FZR1: variants seen among roughly 807,000 people sequenced by gnomAD.
FZR1 encodes fizzy and cell division cycle 20 related 1.
Under a neutral mutation model 63.6 loss-of-function variants are expected in FZR1, and 11 were observed. That is an observed-to-expected ratio of 0.17 (90% CI 0.11 to 0.29). The LOEUF is 0.29. Among genes scored for constraint, FZR1 ranks in the 10% least tolerant of loss-of-function variants. The probability of loss-of-function intolerance (pLI) is 1.00; values close to 1 mark genes in which losing one functional copy is unlikely to be tolerated. For missense variants in FZR1, 440 were observed against 687.5 expected, an observed-to-expected ratio of 0.64 and a Z score of 4.03; for synonymous variants, 328 against 297.9, an observed-to-expected ratio of 1.10 and a Z score of -1.04.
chr19:3,532,820 T>TGGGCCTCATCA (rs1221094613), intron 11 of FZR1, among the ~76,000 whole-genome samples, 170 bp downstream of exon 11: 1 of 152,120 alleles, frequency 6.6e-6, no homozygotes. Context: ...GCAAGGCCCC[T>TGGGCCTCATCA]GGGCCTCATC....
Position 3,534,816 on chromosome 19 carries a change from C to T in FZR1, c.1462C>T (p.Leu488Phe). 1.9e-6 allele frequency: 3 copies of T among 1,612,992 alleles called. No individual in the cohort carries two copies. Among genetic ancestry groups the T allele is most frequent in the Non-Finnish European group, 2.5e-6 (3 of 1,179,770 alleles). ...GCAGGAGTCTGTGTCTGTGCTCAAC[C>T]TCTTCACCAGGATCCGGTAAACCTG... ...STKESVSVLNLFTRIR is the reference protein window; with the variant it reads ...STKESVSVLNFFTRIR Residue 488 changes from leucine (L) to phenylalanine (F), a missense_variant, in exon 14 of 14, where the codon CTC becomes TTC. By Grantham distance (22) the Leu-to-Phe change is conservative. Around this residue, in one of 5 missense-constraint regions of FZR1, gnomAD observed 28 missense variants for 26.3 expected, o/e 1.06. Coordinates refer to ENST00000441788, the MANE Select transcript of FZR1 (RefSeq NM_016263.4).
chr19:3,533,301 C>T lies in FZR1; in HGVS notation c.1250C>T (p.Thr417Met). ...GCCCCCTCCGCCCTCCAGGTGAGCACGCACGGCTACTCACAGAACCAGATC... is the reference window on the plus strand; with the variant it reads ...GCCCCCTCCGCCCTCCAGGTGAGCATGCACGGCTACTCACAGAACCAGATC... ...WSKHANELVSTHGYSQNQILV... is the reference protein window; with the variant it reads ...WSKHANELVSMHGYSQNQILV... Residue 417 changes from threonine to methionine, a missense_variant, in exon 12 of 14, where the codon ACG becomes ATG. Transcript: ENST00000441788. The surrounding 1 kb of genome is among the most constrained non-coding windows in gnomAD (Gnocchi z 4.9). The T allele has an allele frequency of 6.2e-7, 1 of 1,606,450 alleles. No individual in the cohort carries two copies. Among genetic ancestry groups the T allele is most frequent in the Non-Finnish European group, 8.5e-7 (1 of 1,174,004 alleles).
intron 1 of FZR1, among the ~76,000 whole-genome samples, chr19:3,509,308 T>G (rs2083007945): frequency 6.6e-6 from 1 of 152,222 alleles, no homozygotes; most frequent in Non-Finnish European, 1.5e-5. Context: ...GCAGCCTGCC[T>G]GGCCGCGCCT....
chr19:3,526,386 G>A lies in FZR1; in HGVS notation c.387G>A (p.Thr129=), dbSNP rs1187940165. ...PSTPEKKGLF[T]YSLSTKRSSP... ...CGCCTGAGAAGAAGGGTCTGTTCAC[G>A]GTAAGCCTGCGGCACCCCCCACCCG... Residue 129 remains threonine (T), a splice_region_variant and synonymous_variant, in exon 5 of 14, where the codon ACG becomes ACA. Coordinates refer to ENST00000441788, the MANE Select transcript of FZR1 (RefSeq NM_016263.4). The surrounding 1 kb of genome is among the most constrained non-coding windows in gnomAD (Gnocchi z 5.4). 6.3e-6 allele frequency: 10 copies of A among 1,575,750 alleles called. No individual in the cohort carries two copies. The highest frequency in any genetic ancestry group is 2.3e-5 in the South Asian group (2 of 87,482).
rs1001784137 is a variant in FZR1, at chr19:3,526,807, G to C, written c.388-173G>C. 2.6e-5 allele frequency among the ~76,000 whole-genome samples: 4 copies of C among 152,052 alleles called. No homozygotes were observed. The highest frequency in any genetic ancestry group is 9.6e-5 in the African/African-American group (4 of 41,558). ...TCCCTCGAGAGAGGGCGGGAGGGGTGGGGGGTCCGCAGTCCCCGCCAGGAA... is the reference window on the plus strand; with the variant it reads ...TCCCTCGAGAGAGGGCGGGAGGGGTCGGGGGTCCGCAGTCCCCGCCAGGAA... On this transcript the variant is annotated intron_variant, in intron 5 of 13. Coordinates refer to ENST00000441788, the MANE Select transcript of FZR1 (RefSeq NM_016263.4). The surrounding 1 kb of genome is among the most constrained non-coding windows in gnomAD (Gnocchi z 5.4).
In FZR1 at chr19:3,516,087, A is replaced by ATGTG. The variant is rs1191407629; in HGVS notation, c.-34-6868_-34-6865dup. On this transcript the variant is annotated intron_variant, in intron 1 of 13. Transcript: ENST00000441788. The surrounding 1 kb of genome is among the most constrained non-coding windows in gnomAD (Gnocchi z 6.0). ...AAGTAGAAATACCGCATCACAGAGG[A>ATGTG]TGTGCATTTTTTAAATTTTGGAAGC... 6.6e-6 allele frequency among the ~76,000 whole-genome samples: 1 copy of ATGTG among 152,106 alleles called. No individual in the cohort carries two copies. Among genetic ancestry groups the ATGTG allele is most frequent in the African/African-American group, 2.4e-5 (1 of 41,426 alleles).
intron 13 of FZR1, 119 bp from the exon 14 acceptor site, chr19:3,534,676 A>C: frequency 1.0e-6 from 1 of 991,178 alleles, no homozygotes; most frequent in Non-Finnish European, 1.6e-6. Flanking sequence ...TGGCAGGCCG[A>C]GGCTGAACTG....
rs2083060150 is a variant in FZR1, at chr19:3,516,576, A to G, written c.-34-6380A>G. On this transcript the variant is annotated intron_variant, in intron 1 of 13. Coordinates refer to ENST00000441788, the MANE Select transcript of FZR1 (RefSeq NM_016263.4). The surrounding 1 kb of genome is among the most constrained non-coding windows in gnomAD (Gnocchi z 6.0). The stretch of plus-strand genomic sequence containing the variant: ...CTGAGCACCGCTAGCAGCACCGGGC[A>G]AGTGTCCAGGTGAGGTGCCCCGGGA... Among the ~76,000 whole-genome samples the G allele has an allele frequency of 1.3e-5, 2 of 151,908 alleles. No individual in the cohort carries two copies. The highest frequency in any genetic ancestry group is 2.9e-5 in the Non-Finnish European group (2 of 67,986).
chr19:3,530,408 GCGCA>G (rs2083232551), intron 7 of FZR1, among the ~76,000 whole-genome samples: 1 of 133,742 alleles, frequency 7.5e-6, no homozygotes, highest in Non-Finnish European at 1.6e-5. Context: ...GGATGGGAGA[GCGCA>G]TGGGAGAGCG....
chr19:3,530,717 G>T, intron 7 of FZR1, 75 bp from the exon 8 acceptor site: 1 of 1,069,218 alleles, frequency 9.4e-7, no homozygotes. Context: ...TGAGACAGTG[G>T]AGGGATGAAT....
rs756280852 is a variant in FZR1 at position 3,532,403 on chromosome 19, C to T, written c.1009-14C>T. On this transcript the variant is annotated splice_polypyrimidine_tract_variant and intron_variant, in intron 10 of 13. Coordinates refer to ENST00000441788, the MANE Select transcript of FZR1 (RefSeq NM_016263.4). The stretch of plus-strand genomic sequence containing the variant: ...GGCTGGGACAGCCCCGGCCTCACAG[C>T]CCCTGTCCCCCAGCTGCTGGTCTGG... 19 of 1,581,314 alleles carry T rather than the reference C, an allele frequency of 1.2e-5. No individual in the cohort carries two copies. The East Asian group carries it at 1.4e-4, about 11-fold the overall frequency.
intron 1 of FZR1, among the ~76,000 whole-genome samples, chr19:3,509,872 T>C (rs1244507503): frequency 6.6e-6 from 1 of 152,192 alleles, no homozygotes; most frequent in Non-Finnish European, 1.5e-5. Context: ...TGGTGCTGTT[T>C]CCAGTGTCTG....
intron 7 of FZR1, among the ~76,000 whole-genome samples, chr19:3,528,280 G>A (rs1479215919): frequency 6.6e-6 from 1 of 152,244 alleles, no homozygotes; most frequent in Non-Finnish European, 1.5e-5. Context: ...TGCTGGTGCA[G>A]GGCAGCAGCA....
At chr19:3,518,967 A>C (rs2083079040) in intron 1 of FZR1, among the ~76,000 whole-genome samples, 1 of 152,172 alleles carries the variant, frequency 6.6e-6, no homozygotes, top group Admixed American at 6.6e-5. Context: ...AGCTCACTCC[A>C]GTGGGTGGGT....
In FZR1 at chr19:3,525,437, T is replaced by TC. The variant is rs2083144947; in HGVS notation, c.70-431_70-430insC. Among the ~76,000 whole-genome samples the TC allele has an allele frequency of 1.6e-5, 2 of 123,030 alleles. No individual in the cohort carries two copies. The highest frequency in any genetic ancestry group is 5.4e-4 in the South Asian group (2 of 3,676). The allele number at this position is 123,030 out of a possible 152,430, so 80.7% of individuals were successfully genotyped here. ...GGCTCCCCTCCTTGGGTTTTCTTTT[T>TC]TTTTTTTTTTTTTTTTTTTTTTTGA... On this transcript the variant is annotated intron_variant, in intron 2 of 13. Coordinates refer to ENST00000441788, the MANE Select transcript of FZR1 (RefSeq NM_016263.4). This position sits in a 1 kb window ranked among gnomAD's most constrained non-coding sequence, Gnocchi z 4.2.
At position 3,506,419 on chromosome 19, in the gene FZR1, G is replaced by A. The variant is rs1317843479; in HGVS notation, c.-90G>A. 1.3e-5 allele frequency: 2 copies of A among 151,648 alleles called. No individual in the cohort carries two copies. Among genetic ancestry groups the A allele is most frequent in the Non-Finnish European group, 2.9e-5 (2 of 67,846 alleles). 9.4% of individuals were successfully genotyped at this position (151,648 alleles called of 1,614,324 possible). On this transcript the variant is annotated 5_prime_UTR_variant, in exon 1 of 14. Coordinates refer to ENST00000441788, the MANE Select transcript of FZR1 (RefSeq NM_016263.4). Reference sequence around the variant, plus strand: ...TGCGGAGGCCGGAGGCGGGCGCTGTGCGGTGCCAGGAGAGGCGGGGTCGGC... The same window carrying A: ...TGCGGAGGCCGGAGGCGGGCGCTGTACGGTGCCAGGAGAGGCGGGGTCGGC...
rs1035063275 is a variant in FZR1, at chr19:3,515,343, C to T, written c.-34-7613C>T. ...GATTTCTCTCTACTCTAACCTTTTA[C>T]GATGAAACCTTCCGAGCATCCAGCA... On this transcript the variant is annotated intron_variant, in intron 1 of 13. Coordinates refer to ENST00000441788, the MANE Select transcript of FZR1 (RefSeq NM_016263.4). The surrounding 1 kb of genome is among the most constrained non-coding windows in gnomAD (Gnocchi z 4.6). Among the ~76,000 whole-genome samples the T allele has an allele frequency of 9.9e-5, 15 of 152,210 alleles. No individual in the cohort carries two copies. The highest frequency in any genetic ancestry group is 3.6e-4 in the African/African-American group (15 of 41,454).
chr19:3,510,587 G>A (rs2083017532), intron 1 of FZR1, among the ~76,000 whole-genome samples: 1 of 152,224 alleles, frequency 6.6e-6, no homozygotes, highest in African/African-American at 2.4e-5. Context: ...CCACTGGGTC[G>A]GTGGTGGAAG....
rs1051319039 is a variant in FZR1 at position 3,514,537 on chromosome 19, C to T, written c.-35+8063C>T. 6.6e-6 allele frequency among the ~76,000 whole-genome samples: 1 copy of T among 152,202 alleles called. No individual in the cohort carries two copies. Among genetic ancestry groups the T allele is most frequent in the Non-Finnish European group, 1.5e-5 (1 of 68,026 alleles). ...ATATCATACCCTGGGGGCAGAATCA[C>T]CCTGGTTAAGACCCCCTGGGTTATG... On this transcript the variant is annotated intron_variant, in intron 1 of 13. Transcript: ENST00000441788. The surrounding 1 kb of genome is among the most constrained non-coding windows in gnomAD (Gnocchi z 4.2).
Sources: allele counts gnomAD v4.1 joint callset (sites outside exome capture counted in the v4.1 genomes callset), GRCh38; gene constraint gnomAD v4.1.1; regional missense constraint gnomAD v4.1.1; non-coding constraint Gnocchi (gnomAD v3.1); transcripts MANE v1.5; gene names NCBI Gene and HGNC (gene_info 2026-07-23, HGNC 2026-07-21).